The following PRIM2 variants were observed in gnomAD, a reference collection of about 807,000 sequenced individuals.
PRIM2 encodes DNA primase large subunit.
PRIM2 carries 39 observed loss-of-function variants against 67.3 expected under a neutral mutation model. That is an observed-to-expected ratio of 0.58 (90% CI 0.45 to 0.76). The LOEUF is 0.76. Ranked by LOEUF, PRIM2 falls within the 30% of genes least tolerant of loss-of-function variation. The pLI, the probability that PRIM2 is intolerant of heterozygous loss-of-function variation, is 0.00. For missense variants in PRIM2, 398 were observed against 598.7 expected (o/e 0.66, Z 3.50); for synonymous variants, 143 against 198.7 (o/e 0.72, Z 2.36).
At chr6:57,296,941 C>A in the PRIM2 span, among the ~76,000 whole-genome samples, 520 of 152,132 alleles carry the variant, frequency 3.4e-3, 4 homozygotes, top group African/African-American at 0.012. Flanking sequence ...CCTGAGGGAA[C>A]TCCCAGTAGT....
At chr6:57,235,399 G>C in the PRIM2 span, among the ~76,000 whole-genome samples, 1 of 151,442 alleles carries the variant, frequency 6.6e-6, no homozygotes, top group Admixed American at 6.6e-5. Context: ...AGGAGGGGGA[G>C]ATTGCAGTGA....
chr6:57,334,860 A>G (rs1420601074), intron 5 of PRIM2, among the ~76,000 whole-genome samples: 1 of 152,172 alleles, frequency 6.6e-6, no homozygotes, highest in Non-Finnish European at 1.5e-5. Context: ...AATTAAAAAA[A>G]TGGTTTTGGA....
the PRIM2 span, among the ~76,000 whole-genome samples, chr6:57,239,094 G>C: frequency 1.2e-3 from 187 of 152,064 alleles, no homozygotes; most frequent in African/African-American, 4.3e-3. Context: ...GAGTTCAAGC[G>C]ATTCTCCTGC....
the PRIM2 span, among the ~76,000 whole-genome samples, chr6:57,273,217 A>G: frequency 6.6e-6 from 1 of 152,160 alleles, no homozygotes; most frequent in Non-Finnish European, 1.5e-5. Flanking sequence ...TATCCTGCAG[A>G]ATATTTTCCA....
intron 7 of PRIM2, among the ~76,000 whole-genome samples, chr6:57,460,911 T>C (rs1772982930): frequency 6.6e-6 from 1 of 152,244 alleles, no homozygotes; most frequent in Non-Finnish European, 1.5e-5. Context: ...AGTGACTCTC[T>C]TGTCAGCTCT....
chr6:57,526,367 A>G (rs1216615327), intron 8 of PRIM2, among the ~76,000 whole-genome samples: 2 of 152,170 alleles, frequency 1.3e-5, no homozygotes, highest in Admixed American at 6.5e-5. Flanking sequence ...TTCCTTATCC[A>G]TTACCACACA....
In PRIM2 at chr6:57,537,442, T is replaced by G; in HGVS notation, c.837T>G (p.Leu279=). 7.2e-7 allele frequency: 1 copy of G among 1,387,336 alleles called. No individual in the cohort carries two copies. The highest frequency in any genetic ancestry group is 9.9e-7 in the Non-Finnish European group (1 of 1,009,694). The allele number at this position is 1,387,336 out of a possible 1,614,324, so 85.9% of individuals were successfully genotyped here. Residue 279 remains leucine, a splice_region_variant and synonymous_variant, in exon 10 of 14, where the codon CTT becomes CTG. Coordinates refer to ENST00000615550, the MANE Select transcript of PRIM2 (RefSeq NM_000947.5). ...GKISLDQIDL[L]STKSFPPCMR... is the part of the protein sequence containing the mutation. ...ACTCTACTATTTTTTTCTTGTAGCT[T>G]TCTACCAAATCCTTCCCACCTTGCA...
chr6:57,236,454 T>C, the PRIM2 span, among the ~76,000 whole-genome samples: 1 of 152,160 alleles, frequency 6.6e-6, no homozygotes, highest in African/African-American at 2.4e-5. Flanking sequence ...CTAGGGTACA[T>C]GTGCACAACG....
chr6:57,573,639 T>C (rs1353398764), intron 10 of PRIM2, among the ~76,000 whole-genome samples: 5 of 152,312 alleles, frequency 3.3e-5, no homozygotes, highest in African/African-American at 1.2e-4. Flanking sequence ...CGTGTGTGTG[T>C]GTTTCAGGAG....
upstream of PRIM2, among the ~76,000 whole-genome samples, chr6:57,310,186 T>C (rs1293594793): frequency 6.6e-6 from 1 of 152,070 alleles, no homozygotes; most frequent in African/African-American, 2.4e-5. Flanking sequence ...AAAAAACACA[T>C]GAAAAAATGC....
the PRIM2 span, among the ~76,000 whole-genome samples, chr6:57,276,439 C>T: frequency 1.5e-5 from 1 of 65,848 alleles, no homozygotes; most frequent in Non-Finnish European, 2.7e-5. Context: ...TAAAACAATA[C>T]CATTTACATA....
chr6:57,546,644 T>A (rs2127473537), intron 10 of PRIM2, among the ~76,000 whole-genome samples: 1 of 152,244 alleles, frequency 6.6e-6, no homozygotes, highest in East Asian at 1.9e-4. Context: ...ATTGTTGTGG[T>A]TTTGACTGTT....
At chr6:57,425,222 C>A (rs1349060249) in intron 7 of PRIM2, among the ~76,000 whole-genome samples, 6 of 152,048 alleles carry the variant, frequency 3.9e-5, no homozygotes, top group Admixed American at 3.9e-4. Flanking sequence ...AGATTCTAAA[C>A]ACATTTTTTA....
intron 7 of PRIM2, among the ~76,000 whole-genome samples, chr6:57,438,811 T>C (rs1212991359): frequency 1.3e-5 from 2 of 151,984 alleles, no homozygotes; most frequent in East Asian, 3.9e-4. Context: ...CTCTCTCTTG[T>C]GCCCAGGCTG....
rs1207679236 is a variant in PRIM2, at chr6:57,599,744, A to G, written c.1021-1349A>G. ...CATGTGAAGTACTCCTTGGTCTACTATAGCATTAGGAAGGCTATCAACCCG... is the reference window on the plus strand; with the variant it reads ...CATGTGAAGTACTCCTTGGTCTACTGTAGCATTAGGAAGGCTATCAACCCG... On this transcript the variant is annotated intron_variant, in intron 10 of 13. Transcript: ENST00000615550. Among the ~76,000 whole-genome samples, 36 of 152,372 alleles carry G rather than the reference A, an allele frequency of 2.4e-4. 1 individual carries two copies. Among genetic ancestry groups the G allele is most frequent in the Admixed American group, 2.1e-3 (32 of 15,306 alleles).
intron 7 of PRIM2, among the ~76,000 whole-genome samples, chr6:57,430,422 G>T (rs1771778557): frequency 2.4e-4 from 36 of 148,096 alleles, no homozygotes; most frequent in Non-Finnish European, 4.5e-5. Context: ...TGTAATGTTA[G>T]CTTTGTATAG....
At position 57,335,799 on chromosome 6, in the gene PRIM2, C is replaced by T. The variant is rs1320428303; in HGVS notation, c.459+9754C>T. 5.3e-5 allele frequency among the ~76,000 whole-genome samples: 8 copies of T among 152,238 alleles called. No individual in the cohort carries two copies. In the South Asian group the frequency reaches 6.2e-4, roughly 12 times the overall value. On this transcript the variant is annotated intron_variant, in intron 5 of 13. Transcript: ENST00000615550. ...AAACTGGAAACTCTGAAAAGCAGAG[C>T]GCCTCTCCTCCTCCAAAGGAACGCA...
intron 10 of PRIM2, among the ~76,000 whole-genome samples, chr6:57,545,015 G>A (rs1481888644): frequency 6.6e-4 from 100 of 152,268 alleles, no homozygotes; most frequent in African/African-American, 2.4e-3. Context: ...GTTCTTTTTA[G>A]ATAGAGCTGT....
At chr6:57,386,503 G>A (rs2127343567) in intron 7 of PRIM2, among the ~76,000 whole-genome samples, 1 of 151,780 alleles carries the variant, frequency 6.6e-6, no homozygotes, top group Non-Finnish European at 1.5e-5. Context: ...GGAGAGTTCT[G>A]GCCTTGGTGT....
Sources: allele counts gnomAD v4.1 joint callset (sites outside exome capture counted in the v4.1 genomes callset), GRCh38; gene constraint gnomAD v4.1.1; transcripts MANE v1.5; gene names NCBI Gene and HGNC (gene_info 2026-07-23, HGNC 2026-07-21).